AGTPBP1: variants seen among roughly 807,000 people sequenced by gnomAD.
AGTPBP1 encodes the protein cytosolic carboxypeptidase 1.
Under a neutral mutation model 143.9 loss-of-function variants are expected in AGTPBP1, and 70 were observed. The ratio of observed to expected loss-of-function variants is 0.49; its 90% CI spans 0.40 to 0.59. The LOEUF is 0.59. Among genes scored for constraint, AGTPBP1 ranks in the 20% least tolerant of loss-of-function variants. The pLI is 0.00. For synonymous variants in AGTPBP1, 463 were observed against 500.2 expected (o/e 0.93, Z 0.99); for missense variants, 1,229 against 1,464.5 (o/e 0.84, Z 2.62).
intron 1 of AGTPBP1, among the ~76,000 whole-genome samples, chr9:85,737,923 T>A (rs1178170531): frequency 1.3e-5 from 2 of 152,234 alleles, no homozygotes; most frequent in Non-Finnish European, 1.5e-5. Flanking sequence ...TCTCCATATG[T>A]ATTTCAACCC....
At chr9:85,742,638 G>A (rs1427322781), upstream of AGTPBP1, among the ~76,000 whole-genome samples, 1 of 152,146 alleles carries the variant, frequency 6.6e-6, no homozygotes, top group Non-Finnish European at 1.5e-5. Context: ...TTGAAAAAGT[G>A]CCTGCATATA....
intron 1 of AGTPBP1, among the ~76,000 whole-genome samples, chr9:85,738,986 C>T (rs867755520): frequency 2.2e-4 from 34 of 152,046 alleles, no homozygotes; most frequent in Non-Finnish European, 4.7e-4. Context: ...GTATTAATCA[C>T]TTAATATTTG....
At chr9:85,642,496 T>C (rs939039419) in intron 13 of AGTPBP1, among the ~76,000 whole-genome samples, 9 of 147,706 alleles carry the variant, frequency 6.1e-5, no homozygotes, top group African/African-American at 9.9e-5. Flanking sequence ...ACCCAGCTAA[T>C]TTTTTTTTTT....
intron 14 of AGTPBP1, among the ~76,000 whole-genome samples, chr9:85,631,650 C>T (rs552799902): frequency 2.0e-5 from 3 of 152,122 alleles, no homozygotes; most frequent in African/African-American, 4.8e-5. Context: ...ATATAAGATG[C>T]TATAGGTAAA....
intron 3 of AGTPBP1, among the ~76,000 whole-genome samples, chr9:85,683,145 G>A (rs1208564544): frequency 6.6e-6 from 1 of 152,104 alleles, no homozygotes; most frequent in African/African-American, 2.4e-5. Flanking sequence ...CTGCCACATT[G>A]TTAATGCTTA....
At chr9:85,649,608 G>C (rs528671195) in intron 11 of AGTPBP1, among the ~76,000 whole-genome samples, 4 of 152,166 alleles carry the variant, frequency 2.6e-5, no homozygotes, top group African/African-American at 9.6e-5. Context: ...CAAAACTACG[G>C]TAAATAATAA....
chr9:85,755,253 G>T, the AGTPBP1 span, among the ~76,000 whole-genome samples: 1 of 151,936 alleles, frequency 6.6e-6, no homozygotes, highest in Non-Finnish European at 1.5e-5. Flanking sequence ...ATACTATATG[G>T]ATTTCTTTTC....
the AGTPBP1 span, among the ~76,000 whole-genome samples, chr9:85,787,668 A>G: frequency 1.3e-5 from 2 of 152,182 alleles, no homozygotes; most frequent in Non-Finnish European, 2.9e-5. Context: ...TTTTTCAGTT[A>G]TAGGAAACAT....
intron 1 of AGTPBP1, among the ~76,000 whole-genome samples, chr9:85,739,477 G>C (rs1030775239): frequency 6.6e-6 from 1 of 152,160 alleles, no homozygotes; most frequent in African/African-American, 2.4e-5. Flanking sequence ...GGGAGGCCGA[G>C]GTGGGCAGAC....
chr9:85,774,341 T>C, the AGTPBP1 span, among the ~76,000 whole-genome samples: 2 of 152,216 alleles, frequency 1.3e-5, no homozygotes, highest in African/African-American at 4.8e-5. Context: ...TTCAGGCTTT[T>C]TGGTATACAG....
At chr9:85,561,798 A>G (rs1209189819) in intron 25 of AGTPBP1, among the ~76,000 whole-genome samples, 2 of 151,562 alleles carry the variant, frequency 1.3e-5, no homozygotes, top group Non-Finnish European at 2.9e-5. Context: ...TGTTATAAGA[A>G]TCCTGTATTG....
intron 11 of AGTPBP1, among the ~76,000 whole-genome samples, chr9:85,652,262 G>A (rs1157108844): frequency 6.6e-6 from 1 of 152,150 alleles, no homozygotes; most frequent in Non-Finnish European, 1.5e-5. Context: ...TGTAATCCTA[G>A]CACTTTGGGA....
the AGTPBP1 span, among the ~76,000 whole-genome samples, chr9:85,752,197 T>A: frequency 2.0e-5 from 3 of 151,888 alleles, no homozygotes; most frequent in African/African-American, 7.3e-5. Context: ...GAGATTATGC[T>A]ATTGCATACA....
At chr9:85,764,290 G>A in the AGTPBP1 span, among the ~76,000 whole-genome samples, 1 of 151,906 alleles carries the variant, frequency 6.6e-6, no homozygotes, top group Non-Finnish European at 1.5e-5. Context: ...GAACTTTGGG[G>A]GGCTGAGGCG....
chr9:85,681,384 A>G (rs777039921), intron 3 of AGTPBP1, 49 bp from the exon 4 acceptor site: 2 of 1,539,638 alleles, frequency 1.3e-6, no homozygotes, highest in Non-Finnish European at 8.9e-7. Flanking sequence ...TTTTAAAAGT[A>G]TGTATAGTTT....
At chr9:85,686,841 A>T (rs2134209800) in intron 3 of AGTPBP1, among the ~76,000 whole-genome samples, 1 of 152,296 alleles carries the variant, frequency 6.6e-6, no homozygotes, top group East Asian at 1.9e-4. Flanking sequence ...GCAGTGAAAG[A>T]ATGAGAAGAA....
At chr9:85,643,385 G>A (rs966418689) in intron 12 of AGTPBP1, among the ~76,000 whole-genome samples, 2 of 152,114 alleles carry the variant, frequency 1.3e-5, no homozygotes, top group Admixed American at 1.3e-4. Flanking sequence ...AACTGAAGAG[G>A]AAAATGAGGT....
At chr9:85,755,454 T>A in the AGTPBP1 span, among the ~76,000 whole-genome samples, 2 of 152,222 alleles carry the variant, frequency 1.3e-5, no homozygotes, top group Non-Finnish European at 2.9e-5. Flanking sequence ...TTTCTTTTTT[T>A]AAAATAATTA....
the AGTPBP1 span, among the ~76,000 whole-genome samples, chr9:85,755,369 C>T: frequency 0.037 from 5,609 of 152,018 alleles, 156 homozygotes; most frequent in African/African-American, 0.079. Flanking sequence ...TATTTGTTTC[C>T]GCATATCCTT....
Sources: allele counts gnomAD v4.1 joint callset (sites outside exome capture counted in the v4.1 genomes callset), GRCh38; gene constraint gnomAD v4.1.1; transcripts MANE v1.5; gene names NCBI Gene and HGNC (gene_info 2026-07-23, HGNC 2026-07-21).